CTNNA2: variants seen among roughly 807,000 people sequenced by gnomAD.
CTNNA2 encodes the protein catenin alpha 2.
Under a neutral mutation model 101.0 loss-of-function variants are expected in CTNNA2, and 42 were observed. That is an observed-to-expected ratio of 0.42 (90% confidence interval 0.32 to 0.54). The LOEUF is 0.54. Ranked by LOEUF, CTNNA2 falls within the 20% of genes least tolerant of loss-of-function variation. The pLI is 0.14. For synonymous variants in CTNNA2, 450 were observed against 456.4 expected (o/e 0.99, Z 0.18); for missense variants, 871 against 1,223.1 (o/e 0.71, Z 4.29).
At chr2:80,044,750 A>AT (rs562626680) in intron 7 of CTNNA2, among the ~76,000 whole-genome samples, 231 of 151,430 alleles carry the variant, frequency 1.5e-3, no homozygotes, top group Non-Finnish European at 1.0e-3. Context: ...TCTTGGTCAT[A>AT]TTTTTTTTTC....
At chr2:79,593,868 G>C (rs1677019326) in intron 1 of CTNNA2, among the ~76,000 whole-genome samples, 1 of 148,082 alleles carries the variant, frequency 6.8e-6, no homozygotes, top group African/African-American at 2.5e-5. Flanking sequence ...CCCCAGTGCT[G>C]CCTTTCTTTT....
In CTNNA2 at chr2:80,368,815, G is replaced by A. The variant is rs555007410; in HGVS notation, c.1057-24396G>A. Among the ~76,000 whole-genome samples the A allele has an allele frequency of 6.3e-4, 94 of 149,340 alleles. 1 individual carries two copies. Among genetic ancestry groups the A allele is most frequent in the Non-Finnish European group, 9.8e-4 (66 of 67,600 alleles). On this transcript the variant is annotated intron_variant, in intron 7 of 18. Coordinates refer to ENST00000402739, the MANE Select transcript of CTNNA2 (RefSeq NM_001282597.3). ...AGAAAAGAAAAGAAAATGAAAAACAGTATGTGTATATATATATGTGTGTGT... is the reference window on the plus strand; with the variant it reads ...AGAAAAGAAAAGAAAATGAAAAACAATATGTGTATATATATATGTGTGTGT...
chr2:80,123,478 G>A (rs1328470389), intron 7 of CTNNA2, among the ~76,000 whole-genome samples: 1 of 151,820 alleles, frequency 6.6e-6, no homozygotes, highest in Non-Finnish European at 1.5e-5. Context: ...CAGGCCTGAT[G>A]TGAAAGAAGG....
chr2:79,211,614 A>G (rs1674174612), intron 2 of CTNNA2, among the ~76,000 whole-genome samples: 1 of 152,080 alleles, frequency 6.6e-6, no homozygotes, highest in African/African-American at 2.4e-5. Context: ...TCAGAAGATA[A>G]TGTCATCAGT....
At chr2:80,417,874 A>G (rs1680180304) in intron 8 of CTNNA2, among the ~76,000 whole-genome samples, 1 of 152,112 alleles carries the variant, frequency 6.6e-6, no homozygotes, top group South Asian at 2.1e-4. Flanking sequence ...TGTGCACATT[A>G]TCTTCCTGAA....
chr2:80,350,879 C>T (rs939564190), intron 7 of CTNNA2, among the ~76,000 whole-genome samples: 1 of 152,104 alleles, frequency 6.6e-6, no homozygotes, highest in East Asian at 1.9e-4. Flanking sequence ...AATCCAACAC[C>T]TGCACTTTTC....
chr2:80,026,036 G>T (rs1279753244), intron 7 of CTNNA2, among the ~76,000 whole-genome samples: 1 of 152,212 alleles, frequency 6.6e-6, no homozygotes, highest in Non-Finnish European at 1.5e-5. Context: ...AGCGGGGAAG[G>T]GGGAAGAGGG....
intron 7 of CTNNA2, among the ~76,000 whole-genome samples, chr2:80,245,334 A>G (rs1671241444): frequency 6.6e-6 from 1 of 152,190 alleles, no homozygotes; most frequent in African/African-American, 2.4e-5. Context: ...TTTTACTAGC[A>G]TGTATTTTGG....
rs189677936 is a variant in CTNNA2, at chr2:79,884,351, C to A, written c.852+10009C>A. 2.6e-3 allele frequency among the ~76,000 whole-genome samples: 393 copies of A among 152,238 alleles called. 9 individuals carry two copies. The highest frequency in any genetic ancestry group is 0.024 in the Admixed American group (364 of 15,282). ...TAAAATTACCATATTGCCATATTTT[C>A]GTTATCTTTTCTTTTCCTGACAATC... On this transcript the variant is annotated intron_variant, in intron 6 of 18. Coordinates refer to ENST00000402739, the MANE Select transcript of CTNNA2 (RefSeq NM_001282597.3).
At chr2:79,403,609 C>T (rs755980158) in intron 4 of CTNNA2, among the ~76,000 whole-genome samples, 1 of 151,676 alleles carries the variant, frequency 6.6e-6, no homozygotes, top group Non-Finnish European at 1.5e-5. Flanking sequence ...TCAAAATAAA[C>T]GTGAGTAAAA....
At chr2:79,194,585 C>T (rs1673933920) in intron 1 of CTNNA2, among the ~76,000 whole-genome samples, 1 of 152,158 alleles carries the variant, frequency 6.6e-6, no homozygotes, top group Non-Finnish European at 1.5e-5. Flanking sequence ...CTTGTAGCCA[C>T]AGTAATATGA....
In CTNNA2 at chr2:79,874,098, G is replaced by C. The variant is rs372749015; in HGVS notation, c.608G>C (p.Arg203Pro). The change falls in exon 6 of 19, where the codon CGG becomes CCG. Residue 203 changes from arginine to proline, a missense_variant. This residue lies in a region of CTNNA2 where 647 missense variants were observed against 831.5 expected (regional missense o/e 0.78). Transcript: ENST00000402739. ...CAGGAGCTGAAGGATCCTCACTGTC[G>C]GGATGAGATGGCAGCCGCCCGAGGG... is the stretch of plus-strand genomic sequence containing the variant. ...RQQELKDPHC[R>P]DEMAAARGAL... The C allele has an allele frequency of 6.2e-7, 1 of 1,614,160 alleles. No individual in the cohort carries two copies. The highest frequency in any genetic ancestry group is 8.5e-7 in the Non-Finnish European group (1 of 1,180,038).
chr2:79,521,412 A>T (rs1672116174), intron 1 of CTNNA2, among the ~76,000 whole-genome samples: 2 of 151,908 alleles, frequency 1.3e-5, no homozygotes, highest in Admixed American at 1.3e-4. Flanking sequence ...CTGCAGAATG[A>T]GGAGGTTTTT....
chr2:79,885,305 A>G (rs1260219671), intron 6 of CTNNA2, among the ~76,000 whole-genome samples: 1 of 152,170 alleles, frequency 6.6e-6, no homozygotes, highest in Non-Finnish European at 1.5e-5. Context: ...TCCATTTCAA[A>G]TGCCACTTTT....
intron 4 of CTNNA2, among the ~76,000 whole-genome samples, chr2:79,470,589 T>A (rs762222103): frequency 3.5e-4 from 54 of 152,228 alleles, no homozygotes; most frequent in Admixed American, 1.4e-3. Flanking sequence ...TCTTCACTGG[T>A]AATAATTACC....
At chr2:80,219,708 A>G (rs1398009432) in intron 7 of CTNNA2, among the ~76,000 whole-genome samples, 2 of 152,288 alleles carry the variant, frequency 1.3e-5, no homozygotes, top group Non-Finnish European at 2.9e-5. Context: ...AAAAACAAAA[A>G]TCTATATCTA....
At chr2:80,555,167 T>C (rs112594869) in intron 11 of CTNNA2, among the ~76,000 whole-genome samples, 4 of 133,688 alleles carry the variant, frequency 3.0e-5, no homozygotes, top group African/African-American at 1.1e-4. Flanking sequence ...ATATTTATTT[T>C]TCCTCAAATG....
chr2:80,611,195 C>T (rs1397416815), intron 17 of CTNNA2, among the ~76,000 whole-genome samples: 3 of 148,606 alleles, frequency 2.0e-5, no homozygotes, highest in African/African-American at 7.6e-5. Context: ...GAAGATTAAA[C>T]CGTCTATAAA....
At chr2:80,411,025 G>C (rs1394440938) in intron 8 of CTNNA2, among the ~76,000 whole-genome samples, 1 of 152,166 alleles carries the variant, frequency 6.6e-6, no homozygotes, top group East Asian at 1.9e-4. Flanking sequence ...CCACCACCTG[G>C]CTTATGGATT....
Sources: gnomAD v4.1 joint callset for allele counts (sites outside exome capture counted in the v4.1 genomes callset) on GRCh38, gnomAD v4.1.1 for gene constraint, gnomAD v4.1.1 regional missense constraint, MANE v1.5 for transcripts, NCBI Gene and HGNC (gene_info 2026-07-23, HGNC 2026-07-21) for gene names.